COL4A6: variants seen among roughly 807,000 people sequenced by gnomAD.
COL4A6 encodes collagen alpha-6(IV) chain.
Under a neutral mutation model 126.7 loss-of-function variants are expected in COL4A6, and 59 were observed. The observed-to-expected ratio is 0.47, with a 90% CI of 0.38 to 0.58. The LOEUF (loss-of-function observed/expected upper bound fraction) is 0.58, where lower values mean the gene tolerates loss of function less well. Ranked by LOEUF, COL4A6 falls within the 20% of genes least tolerant of loss-of-function variation. The probability of loss-of-function intolerance (pLI) is 0.00; values close to 1 mark genes in which losing one functional copy is unlikely to be tolerated. For synonymous variants in COL4A6, 547 were observed against 496.6 expected (o/e 1.10, Z -1.35); for missense variants, 1,285 against 1,337.3 (o/e 0.96, Z 0.61).
At chrX:108,168,244 C>G (rs994342861) in intron 37 of COL4A6, among the ~76,000 whole-genome samples, 1 of 111,482 alleles carries the variant, frequency 9.0e-6, no homozygotes, top group African/African-American at 3.3e-5. Flanking sequence ...TTATCCAGTC[C>G]CCTTTTCCCT....
chrX:108,180,819 A>G, intron 24 of COL4A6, 78 bp downstream of exon 24: 1 of 1,006,617 alleles, frequency 9.9e-7, no homozygotes. Context: ...CCCAAATACT[A>G]CTGGGCTATC....
intron 5 of COL4A6, among the ~76,000 whole-genome samples, chrX:108,219,188 C>T (rs1220125855): frequency 8.9e-6 from 1 of 112,199 alleles, no homozygotes; most frequent in Non-Finnish European, 1.9e-5. Context: ...AAGAGGCTGC[C>T]TCCAAGTGAT....
At chrX:108,295,280 T>G (rs1408561976) in intron 3 of COL4A6, among the ~76,000 whole-genome samples, 1 of 111,902 alleles carries the variant, frequency 8.9e-6, no homozygotes, top group East Asian at 2.8e-4. Flanking sequence ...GAATTGCAAC[T>G]TCCCCCTTGG....
intron 2 of COL4A6, among the ~76,000 whole-genome samples, chrX:108,386,512 A>G (rs959519748): frequency 8.9e-6 from 1 of 111,810 alleles, no homozygotes; most frequent in African/African-American, 3.3e-5. Context: ...GGCTGCATAA[A>G]CGTCTTCTTT....
At chrX:108,382,808 G>C (rs749120699) in intron 2 of COL4A6, among the ~76,000 whole-genome samples, 98 of 107,931 alleles carry the variant, frequency 9.1e-4, no homozygotes, top group African/African-American at 3.1e-3. Context: ...TTAGCTGGGC[G>C]GTAGTGGTGC....
At chrX:108,374,585 T>C (rs1385073761) in intron 2 of COL4A6, among the ~76,000 whole-genome samples, 2 of 112,117 alleles carry the variant, frequency 1.8e-5, no homozygotes, top group Non-Finnish European at 3.8e-5. Context: ...GTGAGTAAAT[T>C]CTTTGGTAAA....
intron 2 of COL4A6, among the ~76,000 whole-genome samples, chrX:108,383,028 G>T (rs1343844566): frequency 9.6e-6 from 1 of 104,267 alleles, no homozygotes; most frequent in Non-Finnish European, 2.0e-5. Flanking sequence ...TTCCAAAAAG[G>T]CAAGAAAAAA....
chrX:108,275,327 C>T (rs913266079), intron 3 of COL4A6, among the ~76,000 whole-genome samples: 1 of 111,947 alleles, frequency 8.9e-6, no homozygotes, highest in African/African-American at 3.2e-5. Context: ...GAATTATCTA[C>T]CAATACCTCC....
chrX:108,383,568 C>A, intron 2 of COL4A6: 1 of 470,206 alleles, frequency 2.1e-6, no homozygotes, highest in Non-Finnish European at 3.8e-6. Flanking sequence ...AACTCTGCAA[C>A]GAATGCGAGG....
At chrX:108,278,046 A>C (rs1327012492) in intron 3 of COL4A6, among the ~76,000 whole-genome samples, 1 of 111,970 alleles carries the variant, frequency 8.9e-6, no homozygotes, top group East Asian at 2.8e-4. Flanking sequence ...TGGGGAAAAA[A>C]CAGAGCAGAA....
At chrX:108,302,997 C>G (rs990385766) in intron 3 of COL4A6, among the ~76,000 whole-genome samples, 9 of 107,117 alleles carry the variant, frequency 8.4e-5, no homozygotes, top group Admixed American at 3.0e-4. Context: ...TGCCCTCCCC[C>G]CTCCACCCCC....
chrX:108,319,339 AGAGT>A (rs1393671910), intron 2 of COL4A6, among the ~76,000 whole-genome samples: 1 of 112,330 alleles, frequency 8.9e-6, no homozygotes, highest in African/African-American at 3.2e-5. Context: ...CCTGAGTGAC[AGAGT>A]GAGACCCTCT....
At chrX:108,159,873 T>C (rs983489403) in intron 43 of COL4A6, 125 bp from the exon 44 acceptor site, 14 of 726,682 alleles carry the variant, frequency 1.9e-5, no homozygotes, top group Non-Finnish European at 3.0e-5. Flanking sequence ...TCCAATCCTG[T>C]AACATTGTAC....
At chrX:108,421,670 T>C (rs1480819018) in intron 2 of COL4A6, among the ~76,000 whole-genome samples, 2 of 112,200 alleles carry the variant, frequency 1.8e-5, no homozygotes, top group Non-Finnish European at 3.8e-5. Flanking sequence ...ATTAAAGCTA[T>C]GGACCTTTTC....
rs752462515 is a variant in COL4A6 at position 108,159,556 on chromosome X, G to A, written c.4718C>T (p.Pro1573Leu). 2.5e-6 allele frequency: 3 copies of A among 1,210,998 alleles called. No homozygotes were observed. In the East Asian group the frequency reaches 8.9e-5, roughly 36 times the overall value. ...GCTGTGCACAGCAATGGCTTGCGAG[G>A]GTGCCTCACACACAGAGCAGCGGCT... ...YISRCSVCEAPSQAIAVHSQD... is the reference protein window; with the variant it reads ...YISRCSVCEALSQAIAVHSQD... The change falls in exon 44 of 45, where the codon CCC becomes CTC. Residue 1573 changes from proline to leucine, a missense_variant. Coordinates refer to ENST00000334504, the MANE Select transcript of COL4A6 (RefSeq NM_033641.4).
chrX:108,419,566 T>C (rs1026399802), intron 2 of COL4A6, among the ~76,000 whole-genome samples: 5 of 112,342 alleles, frequency 4.5e-5, no homozygotes, highest in African/African-American at 1.6e-4. Flanking sequence ...CTGTCAGTTA[T>C]ACAACCTTTT....
At chrX:108,425,277 T>C (rs1311405982) in intron 2 of COL4A6, among the ~76,000 whole-genome samples, 5 of 109,101 alleles carry the variant, frequency 4.6e-5, no homozygotes, top group African/African-American at 1.7e-4. Flanking sequence ...GTGAATTATG[T>C]GTGCAGACCT....
intron 2 of COL4A6, among the ~76,000 whole-genome samples, chrX:108,319,092 T>C (rs890109370): frequency 5.4e-5 from 6 of 110,376 alleles, no homozygotes; most frequent in Non-Finnish European, 9.4e-5. Context: ...GCCAAGGGGT[T>C]AGGTGTGGTG....
intron 3 of COL4A6, among the ~76,000 whole-genome samples, chrX:108,305,444 G>A (rs139091852): frequency 6.3e-5 from 7 of 111,638 alleles, no homozygotes; most frequent in Non-Finnish European, 1.1e-4. Context: ...TCTAGAGTTC[G>A]GATTTTATTG....
Sources: gnomAD v4.1 joint callset for allele counts (sites outside exome capture counted in the v4.1 genomes callset) on GRCh38, gnomAD v4.1.1 for gene constraint, MANE v1.5 for transcripts, NCBI Gene and HGNC (gene_info 2026-07-23, HGNC 2026-07-21) for gene names.